The following NBAS variants were observed in gnomAD, a reference collection of about 807,000 sequenced individuals.
NBAS encodes NAG/BC035112 fusion.
In NBAS, 219 loss-of-function variants were observed where a neutral mutation model predicts 302.5. That is an observed-to-expected ratio of 0.72 (90% CI 0.65 to 0.81). The LOEUF (loss-of-function observed/expected upper bound fraction) is 0.81. Ranked by LOEUF, NBAS falls within the 30% of genes least tolerant of loss-of-function variation. The pLI is 0.00. For missense variants in NBAS, 2,932 were observed against 2,841.6 expected (o/e 1.03, Z -0.72); for synonymous variants, 1,118 against 1,021.6 (o/e 1.09, Z -1.80).
the NBAS span, among the ~76,000 whole-genome samples, chr2:14,845,470 A>G: frequency 6.6e-6 from 1 of 152,242 alleles, no homozygotes; most frequent in East Asian, 1.9e-4. Flanking sequence ...AGACTGCACT[A>G]AATCCTAACT....
At chr2:15,190,740 C>T (rs1057511288) in intron 48 of NBAS, among the ~76,000 whole-genome samples, 3 of 152,124 alleles carry the variant, frequency 2.0e-5, no homozygotes, top group Admixed American at 1.3e-4. Flanking sequence ...CCATCCTCAA[C>T]ATTAGGTGAA....
intron 11 of NBAS, among the ~76,000 whole-genome samples, chr2:15,491,684 T>C (rs1215422887): frequency 6.6e-6 from 1 of 150,720 alleles, no homozygotes; most frequent in Non-Finnish European, 1.5e-5. Context: ...TACAGTGAGC[T>C]GAGATCGTGC....
At chr2:15,427,037 C>T (rs906505083) in intron 22 of NBAS, among the ~76,000 whole-genome samples, 12 of 152,064 alleles carry the variant, frequency 7.9e-5, no homozygotes, top group Non-Finnish European at 1.5e-4. Flanking sequence ...TTTCTAAATG[C>T]CCAGATTTTC....
chr2:15,057,006 T>C, the NBAS span, among the ~76,000 whole-genome samples: 3 of 151,888 alleles, frequency 2.0e-5, no homozygotes, highest in Non-Finnish European at 4.4e-5. Context: ...TTTTTTATAT[T>C]TTTAGTAGAG....
At chr2:15,103,929 A>G in the NBAS span, among the ~76,000 whole-genome samples, 1 of 152,096 alleles carries the variant, frequency 6.6e-6, no homozygotes, top group East Asian at 1.9e-4. Context: ...TTTCATGCTA[A>G]ATTGTGTCTT....
At chr2:14,952,532 GA>G in the NBAS span, among the ~76,000 whole-genome samples, 3 of 152,228 alleles carry the variant, frequency 2.0e-5, no homozygotes, top group African/African-American at 7.2e-5. Context: ...CTAATGGAGT[GA>G]AAGCTGTAAG....
At chr2:15,542,562 T>C (rs999250086) in intron 6 of NBAS, among the ~76,000 whole-genome samples, 17 of 146,992 alleles carry the variant, frequency 1.2e-4, no homozygotes, top group Non-Finnish European at 2.1e-4. Context: ...TGACCTTCCC[T>C]CCACTATTGT....
chr2:15,389,609 G>A (rs1463750394), intron 28 of NBAS, among the ~76,000 whole-genome samples: 1 of 152,166 alleles, frequency 6.6e-6, no homozygotes, highest in Non-Finnish European at 1.5e-5. Flanking sequence ...CATGGATCAA[G>A]GGGGAACTTC....
At chr2:15,329,679 AGACCACACTG>A (rs945885377) in intron 36 of NBAS, among the ~76,000 whole-genome samples, 6 of 152,150 alleles carry the variant, frequency 3.9e-5, no homozygotes, top group African/African-American at 1.2e-4. Context: ...CACTCAGCTC[AGACCACACTG>A]GCCCCTTTTA....
At chr2:15,127,032 C>T in the NBAS span, among the ~76,000 whole-genome samples, 11 of 152,168 alleles carry the variant, frequency 7.2e-5, no homozygotes, top group South Asian at 2.1e-4. Flanking sequence ...TCTAAAGCCT[C>T]GGAATGCCCT....
chr2:15,427,233 T>C (rs1677523943), intron 22 of NBAS, among the ~76,000 whole-genome samples: 1 of 152,102 alleles, frequency 6.6e-6, no homozygotes, highest in South Asian at 2.1e-4. Flanking sequence ...TTACCCGACT[T>C]TGAGGAGTAG....
chr2:14,808,144 A>G, the NBAS span, among the ~76,000 whole-genome samples: 11 of 152,348 alleles, frequency 7.2e-5, no homozygotes, highest in South Asian at 2.3e-3. Flanking sequence ...ATTTAATGCT[A>G]TGACAACCAC....
the NBAS span, among the ~76,000 whole-genome samples, chr2:14,969,301 G>C: frequency 1.3e-5 from 2 of 152,074 alleles, no homozygotes; most frequent in African/African-American, 4.8e-5. Context: ...CTGAATATTT[G>C]TGCAACTAAA....
At chr2:15,023,741 A>AACT in the NBAS span, among the ~76,000 whole-genome samples, 2 of 151,280 alleles carry the variant, frequency 1.3e-5, no homozygotes, top group East Asian at 1.9e-4. Flanking sequence ...GAAAATGTAC[A>AACT]ACTTTTGCTC....
intron 12 of NBAS, among the ~76,000 whole-genome samples, chr2:15,482,248 A>T (rs553988213): frequency 3.4e-4 from 51 of 152,232 alleles, no homozygotes; most frequent in Middle Eastern, 3.4e-3. Context: ...TTCCCGACTC[A>T]GCCTCCCGAG....
chr2:15,446,292 T>C (rs970341883), intron 21 of NBAS, among the ~76,000 whole-genome samples: 1 of 151,966 alleles, frequency 6.6e-6, no homozygotes, highest in Non-Finnish European at 1.5e-5. Context: ...AAATAAAATC[T>C]TAAAAGCATG....
the NBAS span, among the ~76,000 whole-genome samples, chr2:15,012,461 G>A: frequency 6.6e-6 from 1 of 152,112 alleles, no homozygotes; most frequent in Non-Finnish European, 1.5e-5. Context: ...GAGAAGAAAA[G>A]AGGAAAGCTG....
the NBAS span, among the ~76,000 whole-genome samples, chr2:15,067,121 G>A: frequency 1.4e-4 from 17 of 125,408 alleles, no homozygotes; most frequent in Admixed American, 9.6e-4. Context: ...CCAGGAGTTC[G>A]AGACCAGCCT....
intron 40 of NBAS, 40 bp downstream of exon 40, chr2:15,308,176 A>G (rs1455670532): frequency 6.2e-7 from 1 of 1,613,606 alleles, no homozygotes; most frequent in Non-Finnish European, 8.5e-7. Context: ...GAAAAGGCTT[A>G]ACTCTGCTCA....
Sources: gnomAD v4.1 joint callset for allele counts (sites outside exome capture counted in the v4.1 genomes callset) on GRCh38, gnomAD v4.1.1 for gene constraint, MANE v1.5 for transcripts, NCBI Gene and HGNC (gene_info 2026-07-23, HGNC 2026-07-21) for gene names.